Variants in COL4A6 observed in about 807,000 individuals in gnomAD.
COL4A6 encodes the protein collagen alpha-6(IV) chain.
In COL4A6, 59 loss-of-function variants were observed where a neutral mutation model predicts 126.7. That is an observed-to-expected ratio of 0.47 (90% confidence interval 0.38 to 0.58). COL4A6 has a LOEUF of 0.58. COL4A6 is among the 20% of genes least tolerant of loss of function. COL4A6 has a pLI of 0.00. For synonymous variants in COL4A6, 547 were observed against 496.6 expected (o/e 1.10, Z -1.35); for missense variants, 1,285 against 1,337.3 (o/e 0.96, Z 0.61).
chrX:108,208,044 G>C (rs1478966450), intron 8 of COL4A6, among the ~76,000 whole-genome samples: 5 of 111,507 alleles, frequency 4.5e-5, no homozygotes, highest in African/African-American at 1.6e-4. Context: ...TATCAGATAA[G>C]GTAGGCTTCG....
chrX:108,378,050 G>A (rs2040483383), intron 2 of COL4A6, among the ~76,000 whole-genome samples: 1 of 108,733 alleles, frequency 9.2e-6, no homozygotes, highest in South Asian at 4.0e-4. Flanking sequence ...TGTGTAGGTG[G>A]TAGGTAAGGA....
chrX:108,327,794 C>T (rs1283869726), intron 2 of COL4A6, among the ~76,000 whole-genome samples: 2 of 109,869 alleles, frequency 1.8e-5, no homozygotes, highest in Non-Finnish European at 3.8e-5. Context: ...TAAATATGTT[C>T]AGTTTACTAT....
At chrX:108,202,883 C>T in intron 13 of COL4A6, 45 bp downstream of exon 13, 1 of 1,090,281 alleles carries the variant, frequency 9.2e-7, no homozygotes, top group South Asian at 1.9e-5. Context: ...CAGCTTTTGT[C>T]CAATCAGACC....
chrX:108,308,828 G>A (rs776953645), intron 3 of COL4A6, among the ~76,000 whole-genome samples: 1 of 111,808 alleles, frequency 8.9e-6, no homozygotes, highest in Non-Finnish European at 1.9e-5. Context: ...TGCTAGAGAT[G>A]TATCTATGCT....
At chrX:108,420,825 C>A (rs1258018099) in intron 2 of COL4A6, among the ~76,000 whole-genome samples, 2 of 111,586 alleles carry the variant, frequency 1.8e-5, no homozygotes, top group East Asian at 2.8e-4. Flanking sequence ...TTGAGACAAG[C>A]AGGTGTCCTT....
intron 37 of COL4A6, among the ~76,000 whole-genome samples, chrX:108,167,599 G>C (rs1323078027): frequency 9.0e-6 from 1 of 111,329 alleles, no homozygotes; most frequent in African/African-American, 3.3e-5. Flanking sequence ...GCCTCCCAAA[G>C]TGCTAAGATT....
At chrX:108,162,791 C>T in intron 41 of COL4A6, 101 bp downstream of exon 41, 1 of 917,894 alleles carries the variant, frequency 1.1e-6, no homozygotes, top group Non-Finnish European at 1.5e-6. Context: ...AGAGGCAACG[C>T]TTGATGAAGA....
intron 2 of COL4A6, among the ~76,000 whole-genome samples, chrX:108,417,590 T>C (rs2041458459): frequency 8.9e-6 from 1 of 111,756 alleles, no homozygotes; most frequent in Non-Finnish European, 1.9e-5. Flanking sequence ...ACCAAATTAT[T>C]GTTCTTTGTA....
intron 11 of COL4A6, chrX:108,204,660 A>T (rs745856082): frequency 4.6e-6 from 2 of 437,353 alleles, no homozygotes; most frequent in Non-Finnish European, 4.1e-6. Flanking sequence ...CTTTAAGTTC[A>T]TGGTTGCTAT....
intron 8 of COL4A6, among the ~76,000 whole-genome samples, chrX:108,207,145 G>A (rs2035568321): frequency 8.9e-6 from 1 of 111,919 alleles, no homozygotes; most frequent in Non-Finnish European, 1.9e-5. Context: ...AAATATTGAA[G>A]TCTAATTAAA....
upstream of COL4A6, among the ~76,000 whole-genome samples, chrX:108,439,051 G>T (rs780102297): frequency 8.7e-4 from 98 of 112,175 alleles, no homozygotes; most frequent in African/African-American, 3.1e-3. Flanking sequence ...CGATTCAGCT[G>T]CCATCAACTC....
rs760257011 is a variant in COL4A6, at chrX:108,161,670, C to A, written c.4282G>T (p.Ala1428Ser). The A allele has an allele frequency of 8.4e-7, 1 of 1,195,513 alleles. No homozygotes were observed. The highest frequency in any genetic ancestry group is 1.8e-5 in the African/African-American group (1 of 55,110). Residue 1428 changes from alanine to serine, a missense_variant, in exon 42 of 45, where the codon GCT (alanine) becomes TCT (serine). Physicochemically the swap from Ala to Ser is moderately conservative, Grantham distance 99. Coordinates refer to ENST00000334504, the MANE Select transcript of COL4A6 (RefSeq NM_033641.4). ...CCAGGCAGACCAGGATCACCAAGAG[C>A]CCCAGGTGGGCCTGGGAGCCCACTG... ...GPSGLPGPPG[A>S]LGDPGLPGLQ...
rs147362613 is a variant in COL4A6, at chrX:108,160,584, C to G, written c.4404G>C (p.Thr1468=). The G allele has an allele frequency of 8.3e-7, 1 of 1,211,755 alleles. No homozygotes were observed. ...MPGQSMRVGY[T]LVKHSQSEQV... The stretch of plus-strand genomic sequence containing the variant: ...GTTCCGACTGGCTGTGCTTTACCAA[C>G]GTGTAGCCCACTCTCATGCTCTGGC... The change falls in exon 43 of 45, where the codon ACG becomes ACC. Residue 1468 remains threonine, a synonymous_variant. Coordinates refer to ENST00000334504, the MANE Select transcript of COL4A6 (RefSeq NM_033641.4).
chrX:108,356,306 TG>T (rs2039959549), intron 2 of COL4A6, among the ~76,000 whole-genome samples: 1 of 109,853 alleles, frequency 9.1e-6, no homozygotes, highest in African/African-American at 3.3e-5. Flanking sequence ...ATTGTGCATA[TG>T]TACCCTAAAA....
At chrX:108,353,663 G>A (rs1389158786) in intron 2 of COL4A6, among the ~76,000 whole-genome samples, 2 of 111,839 alleles carry the variant, frequency 1.8e-5, no homozygotes, top group African/African-American at 6.5e-5. Flanking sequence ...GAGGTGGTGG[G>A]AAAGATCAAA....
At chrX:108,188,092 T>G in intron 21 of COL4A6, 65 bp from the exon 22 acceptor site, 1 of 963,561 alleles carries the variant, frequency 1.0e-6, no homozygotes, top group Non-Finnish European at 1.4e-6. Context: ...TTCCGGCACC[T>G]AGCATTATGA....
intron 2 of COL4A6, among the ~76,000 whole-genome samples, chrX:108,335,510 C>T (rs773260439): frequency 9.9e-5 from 11 of 111,538 alleles, no homozygotes; most frequent in Non-Finnish European, 1.9e-4. Flanking sequence ...TTATAAAAGA[C>T]ACACAGGCTT....
At chrX:108,429,951 T>A (rs1354873458) in intron 2 of COL4A6, among the ~76,000 whole-genome samples, 1 of 111,791 alleles carries the variant, frequency 8.9e-6, no homozygotes, top group African/African-American at 3.2e-5. Context: ...TTGAAAGTCA[T>A]CTCTTGATCA....
intron 3 of COL4A6, among the ~76,000 whole-genome samples, chrX:108,277,541 A>G (rs2147787070): frequency 8.9e-6 from 1 of 112,617 alleles, no homozygotes; most frequent in Admixed American, 9.3e-5. Context: ...CTGCCTCTGT[A>G]GGCTCCACCT....
Sources: allele counts gnomAD v4.1 joint callset (sites outside exome capture counted in the v4.1 genomes callset), GRCh38; gene constraint gnomAD v4.1.1; transcripts MANE v1.5; gene names NCBI Gene and HGNC (gene_info 2026-07-23, HGNC 2026-07-21).